The following PTPRK variants were observed in gnomAD, a reference collection of about 807,000 sequenced individuals.
PTPRK encodes the protein protein tyrosine phosphatase receptor type K, also known as receptor-type tyrosine-protein phosphatase kappa.
Under a neutral mutation model 178.0 loss-of-function variants are expected in PTPRK, and 75 were observed. The observed-to-expected ratio is 0.42, with a 90% confidence interval of 0.35 to 0.51. The LOEUF is 0.51. Ranked by LOEUF, PTPRK falls within the 20% of genes least tolerant of loss-of-function variation. The probability of loss-of-function intolerance (pLI) is 0.02; values close to 1 mark genes in which losing one functional copy is unlikely to be tolerated. For missense variants in PTPRK, 1,441 were observed against 1,797.8 expected, an observed-to-expected ratio of 0.80 and a Z score of 3.59; for synonymous variants, 637 against 620.6, an observed-to-expected ratio of 1.03 and a Z score of -0.39.
intron 7 of PTPRK, among the ~76,000 whole-genome samples, chr6:128,124,388 A>C (rs1324771871): frequency 6.6e-6 from 1 of 152,092 alleles, no homozygotes; most frequent in Non-Finnish European, 1.5e-5. Context: ...TTAGTCCTTA[A>C]TCATATAAAC....
intron 1 of PTPRK, among the ~76,000 whole-genome samples, chr6:128,482,912 G>A (rs151163044): frequency 4.6e-5 from 7 of 152,284 alleles, no homozygotes; most frequent in African/African-American, 1.4e-4. Context: ...GTCAGAGCAC[G>A]GAACCAGGTG....
chr6:128,478,037 G>GT (rs1215826706), intron 1 of PTPRK, among the ~76,000 whole-genome samples: 1 of 152,064 alleles, frequency 6.6e-6, no homozygotes, highest in Non-Finnish European at 1.5e-5. Context: ...TGTGTGGAAC[G>GT]TCATTTAAAC....
At chr6:128,380,410 A>G (rs1393316262) in intron 2 of PTPRK, among the ~76,000 whole-genome samples, 1 of 151,986 alleles carries the variant, frequency 6.6e-6, no homozygotes, top group Non-Finnish European at 1.5e-5. Context: ...AACCTTCCCC[A>G]AGGGCTGTGC....
Position 128,333,084 on chromosome 6 carries a change from G to T in PTPRK, c.224-10774C>A, listed in dbSNP as rs902024580. ...AATAATCAGTAACATGACCCAAAAG[G>T]CAATAAAGGCTTTGTCCTGTGGCCA... On this transcript the variant is annotated intron_variant, in intron 2 of 29. Coordinates refer to ENST00000368226, the MANE Select transcript of PTPRK (RefSeq NM_002844.4). Among the ~76,000 whole-genome samples, 9 of 152,236 alleles carry T rather than the reference G, an allele frequency of 5.9e-5. No individual in the cohort carries two copies. In the South Asian group the frequency reaches 1.0e-3, roughly 18 times the overall value.
At chr6:128,037,412 T>C (rs916856093) in intron 13 of PTPRK, among the ~76,000 whole-genome samples, 3 of 142,814 alleles carry the variant, frequency 2.1e-5, no homozygotes, top group African/African-American at 8.8e-5. Flanking sequence ...ATGATGCAAA[T>C]ATGGAGCAAG....
At chr6:128,231,069 T>A (rs1812211356) in intron 5 of PTPRK, among the ~76,000 whole-genome samples, 1 of 152,184 alleles carries the variant, frequency 6.6e-6, no homozygotes, top group Non-Finnish European at 1.5e-5. Flanking sequence ...TATTTAACAA[T>A]TCTAAAAAGT....
chr6:127,993,858 T>C (rs542974355), intron 18 of PTPRK, among the ~76,000 whole-genome samples: 139 of 151,776 alleles, frequency 9.2e-4, no homozygotes, highest in Non-Finnish European at 1.7e-3. Flanking sequence ...CACTGGGGTC[T>C]TAACAGAAAG....
intron 28 of PTPRK, 51 bp from the exon 29 acceptor site, chr6:127,973,208 C>G (rs1183157099): frequency 1.2e-5 from 19 of 1,606,588 alleles, no homozygotes; most frequent in Non-Finnish European, 1.4e-5. Flanking sequence ...CAAGTGACCA[C>G]AGGTCACACC....
chr6:128,059,688 C>T (rs187538685), intron 13 of PTPRK, among the ~76,000 whole-genome samples: 15 of 152,204 alleles, frequency 9.9e-5, no homozygotes, highest in Admixed American at 7.8e-4. Flanking sequence ...TGTAAGGTAC[C>T]TGCAACAGGC....
chr6:128,283,912 C>G (rs1822071234), intron 3 of PTPRK, among the ~76,000 whole-genome samples: 1 of 152,190 alleles, frequency 6.6e-6, no homozygotes, highest in Non-Finnish European at 1.5e-5. Context: ...GACCCACTAA[C>G]AAGTCTGCCT....
chr6:128,180,991 T>C (rs1021804607), intron 7 of PTPRK, among the ~76,000 whole-genome samples: 12 of 152,112 alleles, frequency 7.9e-5, no homozygotes, highest in African/African-American at 2.9e-4. Context: ...GTTTTGTTTT[T>C]GTTTCCTGAG....
At chr6:128,238,166 A>T in intron 5 of PTPRK, 1 of 420,518 alleles carries the variant, frequency 2.4e-6, no homozygotes, top group Non-Finnish European at 4.6e-6. Flanking sequence ...ACATAAATTC[A>T]CCATTCTGTA....
At chr6:128,365,557 C>T (rs1211484912) in intron 2 of PTPRK, among the ~76,000 whole-genome samples, 1 of 152,070 alleles carries the variant, frequency 6.6e-6, no homozygotes, top group African/African-American at 2.4e-5. Context: ...AGTCAAGTGA[C>T]CATTCATACT....
intron 7 of PTPRK, among the ~76,000 whole-genome samples, chr6:128,122,713 G>A (rs762081307): frequency 6.6e-5 from 10 of 152,154 alleles, no homozygotes; most frequent in Admixed American, 2.0e-4. Flanking sequence ...TACAAATGAA[G>A]GATAACCGCA....
chr6:128,435,126 AAGGC>A (rs775750807), intron 1 of PTPRK, among the ~76,000 whole-genome samples: 7,740 of 79,252 alleles, frequency 0.098, 362 homozygotes, highest in Non-Finnish European at 0.11. Flanking sequence ...GGCAGGCAGG[AAGGC>A]AGGCAGGCAG....
Position 128,182,443 on chromosome 6 carries a change from G to A in PTPRK, c.1162+1989C>T, listed in dbSNP as rs1026292290. Among the ~76,000 whole-genome samples, 5 of 152,042 alleles carry A rather than the reference G, an allele frequency of 3.3e-5. No homozygotes were observed. The East Asian group carries it at 5.8e-4, about 18-fold the overall frequency. Reference sequence around the variant, plus strand: ...ACAAAAATTAGCTGGGCATGGTAGCGCATGCCTGTAATCCCAGCTACTCGG... The same window carrying A: ...ACAAAAATTAGCTGGGCATGGTAGCACATGCCTGTAATCCCAGCTACTCGG... On this transcript the variant is annotated intron_variant, in intron 7 of 29. Coordinates refer to ENST00000368226, the MANE Select transcript of PTPRK (RefSeq NM_002844.4).
intron 7 of PTPRK, among the ~76,000 whole-genome samples, chr6:128,151,724 A>G (rs1388838901): frequency 6.6e-6 from 1 of 152,070 alleles, no homozygotes; most frequent in Non-Finnish European, 1.5e-5. Flanking sequence ...AGATTTAACT[A>G]CTAGAAGGTT....
intron 13 of PTPRK, among the ~76,000 whole-genome samples, chr6:128,039,962 G>A (rs1009502359): frequency 2.0e-5 from 3 of 152,092 alleles, no homozygotes; most frequent in African/African-American, 7.2e-5. Flanking sequence ...TTCAAGGGAT[G>A]GTTGTTGTTA....
intron 3 of PTPRK, among the ~76,000 whole-genome samples, chr6:128,260,063 T>G (rs1181617773): frequency 6.6e-6 from 1 of 152,200 alleles, no homozygotes; most frequent in East Asian, 1.9e-4. Flanking sequence ...TGTCTGTATT[T>G]GAATATTTAT....
Sources: gnomAD v4.1 joint callset for allele counts (sites outside exome capture counted in the v4.1 genomes callset) on GRCh38, gnomAD v4.1.1 for gene constraint, MANE v1.5 for transcripts, NCBI Gene and HGNC (gene_info 2026-07-23, HGNC 2026-07-21) for gene names.